Variants in GUF1 observed in about 807,000 individuals in gnomAD.
The protein encoded by GUF1 is translation factor GUF1, mitochondrial.
GUF1 carries 78 observed loss-of-function variants against 82.4 expected under a neutral mutation model. The observed-to-expected ratio is 0.95, with a 90% CI of 0.79 to 1.14. The LOEUF (loss-of-function observed/expected upper bound fraction) is 1.14. GUF1 is among the 50% of genes most tolerant of loss of function. GUF1 has a pLI of 0.00. For missense variants in GUF1, 814 were observed against 798.2 expected, an observed-to-expected ratio of 1.02 and a Z score of -0.24; for synonymous variants, 279 against 282.3, an observed-to-expected ratio of 0.99 and a Z score of 0.12.
intron 1 of GUF1, 90 bp from the exon 2 acceptor site, chr4:44,680,351 C>T: frequency 1.7e-6 from 1 of 594,276 alleles, no homozygotes; most frequent in Admixed American, 3.4e-5. Context: ...TGATATTGTT[C>T]AACGATTAAA....
chr4:44,688,582 A>G (rs1240518679), intron 9 of GUF1, among the ~76,000 whole-genome samples: 2 of 152,024 alleles, frequency 1.3e-5, no homozygotes, highest in South Asian at 4.1e-4. Context: ...TCAAGTACGT[A>G]TAATTTCAGA....
Position 44,698,832 on chromosome 4 carries a change from AG to A in GUF1, c.*152del. The A allele has an allele frequency of 1.5e-6, 1 of 649,690 alleles. No homozygotes were observed. Among genetic ancestry groups the A allele is most frequent in the Non-Finnish European group, 2.6e-6 (1 of 389,096 alleles). The allele number at this position is 649,690 out of a possible 1,614,324, so 40.2% of individuals were successfully genotyped here. ...AGGGAGTAGTTAGTGGGTAGGCAAG[AG>A]CTTAGATTTTGAAGCCATGTTGCCT... is the stretch of plus-strand genomic sequence containing the variant. On this transcript the variant is annotated 3_prime_UTR_variant, in exon 17 of 17. Transcript: ENST00000281543.
chr4:44,680,317 T>C (rs916436998), intron 1 of GUF1, 124 bp from the exon 2 acceptor site: 13 of 547,086 alleles, frequency 2.4e-5, no homozygotes, highest in Non-Finnish European at 3.9e-5. Context: ...AGAATAATAA[T>C]ATAAACAATA....
intron 2 of GUF1, 52 bp from the exon 3 acceptor site, chr4:44,680,642 C>T: frequency 2.1e-6 from 3 of 1,437,240 alleles, no homozygotes; most frequent in Non-Finnish European, 2.8e-6. Flanking sequence ...AAGTAATATT[C>T]TCTTTTTTTT....
At chr4:44,689,587 G>A (rs1261976779) in intron 10 of GUF1, among the ~76,000 whole-genome samples, 178 bp downstream of exon 10, 10 of 151,722 alleles carry the variant, frequency 6.6e-5, no homozygotes, top group Non-Finnish European at 1.3e-4. Context: ...TAAAGTGAAC[G>A]AAAACAATTT....
chr4:44,689,813 C>T (rs2109652501), intron 10 of GUF1, 30 bp from the exon 11 acceptor site: 1 of 1,552,938 alleles, frequency 6.4e-7, no homozygotes, highest in Non-Finnish European at 8.7e-7. Flanking sequence ...GGGACATAAA[C>T]ATTTTGGAGT....
At chr4:44,681,248 T>A (rs770355257) in intron 4 of GUF1, 45 bp downstream of exon 4, 1 of 1,370,944 alleles carries the variant, frequency 7.3e-7, no homozygotes, top group Non-Finnish European at 1.0e-6. Context: ...CATGACTATT[T>A]GGTTGTTTCA....
chr4:44,682,363 C>T lies in GUF1; in HGVS notation c.537C>T (p.Phe179=). The change falls in exon 5 of 17, where the codon TTC becomes TTT. Residue 179 remains phenylalanine (F), a synonymous_variant. Transcript: ENST00000281543. The stretch of plus-strand genomic sequence containing the variant: ...TTCAAGCCCAAACTGTAGCAAACTT[C>T]TTTCTTGCCTTCGAAGCACAGCTAT... ...EGIQAQTVAN[F]FLAFEAQLSV... The T allele has an allele frequency of 6.5e-7, 1 of 1,543,598 alleles. No homozygotes were observed. The highest frequency in any genetic ancestry group is 1.4e-5 in the African/African-American group (1 of 71,388).
In GUF1 at chr4:44,680,690, A is replaced by T. The variant is rs1037417323; in HGVS notation, c.278-4A>T. 1 of 1,573,874 alleles carries T rather than the reference A, an allele frequency of 6.4e-7. No homozygotes were observed. Among genetic ancestry groups the T allele is most frequent in the Admixed American group, 1.8e-5 (1 of 55,214 alleles). On this transcript the variant is annotated splice_region_variant and splice_polypyrimidine_tract_variant and intron_variant, in intron 2 of 16. Transcript: ENST00000281543. ...GAAATATCAATAAGTGTTTCTGTTT[A>T]TAGGGACAATTGATAAAACAAAGAA...
chr4:44,680,874 TAA>T (rs779988991), intron 3 of GUF1, 32 bp downstream of exon 3: 3 of 1,552,784 alleles, frequency 1.9e-6, no homozygotes, highest in African/African-American at 2.7e-5. Flanking sequence ...CATGTATTGT[TAA>T]AGTCAACATT....
rs540091440 is a variant in GUF1 at position 44,686,200 on chromosome 4, A to G, written c.734+177A>G. Reference sequence around the variant, plus strand: ...TGCTTTTAGTAATACATAGAAGGCAAGTACAGTAAAGTAAAAGAAAAAGTA... The same window carrying G: ...TGCTTTTAGTAATACATAGAAGGCAGGTACAGTAAAGTAAAAGAAAAAGTA... On this transcript the variant is annotated intron_variant, in intron 7 of 16. Coordinates refer to ENST00000281543, the MANE Select transcript of GUF1 (RefSeq NM_021927.3). 5.3e-5 allele frequency among the ~76,000 whole-genome samples: 8 copies of G among 152,218 alleles called. No homozygotes were observed. The South Asian group carries it at 1.7e-3, about 32-fold the overall frequency.
Position 44,694,396 on chromosome 4 carries a change from A to T in GUF1, c.1614-16A>T. The T allele has an allele frequency of 6.6e-7, 1 of 1,504,258 alleles. No homozygotes were observed. The allele number at this position is 1,504,258 out of a possible 1,614,324, so 93.2% of individuals were successfully genotyped here. On this transcript the variant is annotated splice_polypyrimidine_tract_variant and intron_variant, in intron 13 of 16. Transcript: ENST00000281543. ...AGGAAGTGTAATATTTATCACTTGG[A>T]CTTTTTTCCTTTTAGTTTTGATTAC...
rs1716130484 is a variant in GUF1, at chr4:44,700,152, T to C, written c.*1471T>C. 6.6e-6 allele frequency: 1 copy of C among 152,188 alleles called. No individual in the cohort carries two copies. Among genetic ancestry groups the C allele is most frequent in the South Asian group, 2.1e-4 (1 of 4,830 alleles). 9.4% of individuals were successfully genotyped at this position (152,188 alleles called of 1,614,324 possible). On this transcript the variant is annotated 3_prime_UTR_variant, in exon 17 of 17. Coordinates refer to ENST00000281543, the MANE Select transcript of GUF1 (RefSeq NM_021927.3). The stretch of plus-strand genomic sequence containing the variant: ...GGATGAATTTTATACTAAGGTTATA[T>C]GAAAGAAAAATCTCAAAACCACTAA...
In GUF1 at chr4:44,698,734, A is replaced by T. The variant is rs373728718; in HGVS notation, c.*53A>T. The stretch of plus-strand genomic sequence containing the variant: ...GCAATTTGTAATATGCTGACAACAG[A>T]AAGAAAATTATAAAATTTGCTTGTT... On this transcript the variant is annotated 3_prime_UTR_variant, in exon 17 of 17. Coordinates refer to ENST00000281543, the MANE Select transcript of GUF1 (RefSeq NM_021927.3). The T allele has an allele frequency of 1.8e-5, 26 of 1,485,478 alleles. No homozygotes were observed. The South Asian group carries it at 3.3e-4, about 19-fold the overall frequency. The allele number at this position is 1,485,478 out of a possible 1,614,324, so 92.0% of individuals were successfully genotyped here. A position where few individuals can be genotyped will look rare whatever the true frequency, so the allele number is the denominator to read the frequency against.
chr4:44,690,073 A>T, intron 11 of GUF1, 98 bp downstream of exon 11: 1 of 793,846 alleles, frequency 1.3e-6, no homozygotes, highest in Non-Finnish European at 1.8e-6. Flanking sequence ...GCTTTTTACT[A>T]TACCAATAGC....
At chr4:44,681,062 A>G (rs942980066) in intron 3 of GUF1, 61 bp from the exon 4 acceptor site, 12 of 1,422,416 alleles carry the variant, frequency 8.4e-6, no homozygotes, top group Non-Finnish European at 1.2e-5. Context: ...TAAATTTGCC[A>G]TAATGCTCTT....
intron 13 of GUF1, 58 bp downstream of exon 13, chr4:44,691,857 CAAGGGTATACT>C: frequency 8.8e-7 from 1 of 1,141,688 alleles, no homozygotes; most frequent in Non-Finnish European, 1.2e-6. Flanking sequence ...TATTGATGAG[CAAGGGTATACT>C]AATTCTTCAT....
chr4:44,694,535 C>A, intron 14 of GUF1, 22 bp downstream of exon 14: 1 of 1,261,878 alleles, frequency 7.9e-7, no homozygotes, highest in South Asian at 1.3e-5. Context: ...AGAAACTAAT[C>A]ATGGAATGTG....
At chr4:44,686,071 A>G (rs1560343031) in intron 7 of GUF1, 48 bp downstream of exon 7, 14 of 1,243,558 alleles carry the variant, frequency 1.1e-5, no homozygotes, top group Non-Finnish European at 1.7e-5. Context: ...TTAATAGTTC[A>G]AAAACTGTCC....
Sources: gnomAD v4.1 joint callset for allele counts (sites outside exome capture counted in the v4.1 genomes callset) on GRCh38, gnomAD v4.1.1 for gene constraint, MANE v1.5 for transcripts, NCBI Gene and HGNC (gene_info 2026-07-23, HGNC 2026-07-21) for gene names.